Variants in SCTR observed in about 807,000 individuals in gnomAD.
The protein encoded by SCTR is pancreatic secretin receptor.
SCTR carries 56 observed loss-of-function variants against 60.8 expected under a neutral mutation model. The observed-to-expected ratio is 0.92, with a 90% confidence interval of 0.74 to 1.15. The LOEUF (loss-of-function observed/expected upper bound fraction) is 1.15, where lower values mean the gene tolerates loss of function less well. Among genes scored for constraint, SCTR ranks in the 50% most tolerant of loss-of-function variants. The pLI is 0.00. For synonymous variants in SCTR, 202 were observed against 217.0 expected (o/e 0.93, Z 0.61); for missense variants, 562 against 550.4 (o/e 1.02, Z -0.21).
rs144334656 is a variant in SCTR at position 119,446,725 on chromosome 2, T to A, written c.1140+34A>T. On this transcript the variant is annotated intron_variant, in intron 11 of 12. Coordinates refer to ENST00000019103, the MANE Select transcript of SCTR (RefSeq NM_002980.3). ...TCCCTAAGGACACAGAGAACTCCTC[T>A]TTTCAGCTGGCAGCCCCAGTCCTGG... 6,616 of 1,451,812 alleles carry A rather than the reference T, an allele frequency of 4.6e-3. 15 individuals are homozygous for A. Among genetic ancestry groups the A allele is most frequent in the Non-Finnish European group, 5.3e-3 (5,812 of 1,092,854 alleles). The allele number at this position is 1,451,812 out of a possible 1,614,324, so 89.9% of individuals were successfully genotyped here. A position where few individuals can be genotyped will look rare whatever the true frequency, so the allele number is the denominator to read the frequency against.
chr2:119,494,494 C>A lies in SCTR; in HGVS notation c.127G>T (p.Asp43Tyr), dbSNP rs1252143891. The A allele has an allele frequency of 1.2e-6, 2 of 1,613,966 alleles. No individual in the cohort carries two copies. The highest frequency in any genetic ancestry group is 1.7e-6 in the Non-Finnish European group (2 of 1,180,002). The change falls in exon 2 of 13, where the codon GAC (aspartate) becomes TAC (tyrosine). Residue 43 changes from aspartate (D) to tyrosine (Y), a missense_variant. By Grantham distance (160) the Asp-to-Tyr change is radical (BLOSUM62 -3). Coordinates refer to ENST00000019103, the MANE Select transcript of SCTR (RefSeq NM_002980.3). ...CTGGAGAGTTCCTGCAGGCACTGGT[C>A]TTGCTCTTCCCACAGCACTTGTAGC... ...DVLQVLWEEQ[D>Y]QCLQELSREQ... is the part of the protein sequence containing the mutation.
intron 2 of SCTR, chr2:119,484,620 G>GTGGAATCTTTC (rs1677780627): frequency 6.6e-6 from 1 of 151,580 alleles, no homozygotes; most frequent in African/African-American, 2.4e-5. Flanking sequence ...TGTGGGTGCG[G>GTGGAATCTTTC]TGGAATACTT....
chr2:119,446,750 G>A lies in SCTR; in HGVS notation c.1140+9C>T, dbSNP rs766835858. ...TTTTCAGCTGGCAGCCCCAGTCCTG[G>A]AAACTTACCTGGAATGAGCCAAGGG... On this transcript the variant is annotated intron_variant, in intron 11 of 12. Transcript: ENST00000019103. 2.3e-5 allele frequency: 34 copies of A among 1,510,636 alleles called. No individual in the cohort carries two copies. Among genetic ancestry groups the A allele is most frequent in the Non-Finnish European group, 2.8e-5 (32 of 1,124,306 alleles). 93.6% of individuals were successfully genotyped at this position (1,510,636 alleles called of 1,614,324 possible).
At chr2:119,487,398 A>T (rs991564731) in intron 2 of SCTR, 4 of 152,234 alleles carry the variant, frequency 2.6e-5, no homozygotes, top group Admixed American at 2.0e-4. Context: ...GCAGGTAGAG[A>T]CAAGAAGGAA....
rs771270566 is a variant in SCTR, at chr2:119,465,766, G to T, written c.503+23C>A. On this transcript the variant is annotated intron_variant, in intron 5 of 12. Transcript: ENST00000019103. ...TGTACCTGAGGAGGGCTGGGGTATG[G>T]AGAGCTGGCAGTGTGTTCTCACCGG... 91 of 1,531,062 alleles carry T rather than the reference G, an allele frequency of 5.9e-5. No homozygotes were observed. The East Asian group carries it at 1.5e-3, about 25-fold the overall frequency. 94.8% of individuals were successfully genotyped at this position (1,531,062 alleles called of 1,614,324 possible). A position where few individuals can be genotyped will look rare whatever the true frequency, so the allele number is the denominator to read the frequency against.
At chr2:119,451,627 C>T (rs564912441) in intron 9 of SCTR, among the ~76,000 whole-genome samples, 17 of 152,326 alleles carry the variant, frequency 1.1e-4, no homozygotes, top group Admixed American at 3.3e-4. Flanking sequence ...CTCAGCTTAG[C>T]GACTCATCCC....
intron 1 of SCTR, among the ~76,000 whole-genome samples, chr2:119,502,834 A>G (rs547186363): frequency 3.3e-5 from 5 of 151,536 alleles, no homozygotes; most frequent in South Asian, 2.1e-4. Context: ...AAAAAAAAAA[A>G]AAAGAAAGAA....
At position 119,467,231 on chromosome 2, in the gene SCTR, T is replaced by A. The variant is rs1372955846; in HGVS notation, c.406-1345A>T. ...CTGTCTCTACCAAAAATACAAAAAT[T>A]AGCCAGGCATGGTGGCGTGCACCTG... On this transcript the variant is annotated intron_variant, in intron 4 of 12. Coordinates refer to ENST00000019103, the MANE Select transcript of SCTR (RefSeq NM_002980.3). 4.6e-5 allele frequency among the ~76,000 whole-genome samples: 7 copies of A among 152,140 alleles called. No homozygotes were observed. The East Asian group carries it at 1.4e-3, about 29-fold the overall frequency.
chr2:119,522,679 G>GT, intron 1 of SCTR, among the ~76,000 whole-genome samples: 1 of 152,208 alleles, frequency 6.6e-6, no homozygotes, highest in East Asian at 1.9e-4. Flanking sequence ...CGAGGTACCA[G>GT]TTACGACAGT....
At chr2:119,479,327 T>A (rs915964289) in intron 2 of SCTR, 3 of 982,404 alleles carry the variant, frequency 3.1e-6, no homozygotes, top group Non-Finnish European at 3.6e-6. Context: ...CTGGGGAGCT[T>A]TAGAAATAGA....
chr2:119,445,274 T>C (rs1682882872), intron 11 of SCTR, among the ~76,000 whole-genome samples: 1 of 152,118 alleles, frequency 6.6e-6, no homozygotes, highest in Non-Finnish European at 1.5e-5. Context: ...GATGGGCCAT[T>C]GTGTGCCCAG....
chr2:119,480,610 C>T (rs1246265190), intron 2 of SCTR: 6 of 152,190 alleles, frequency 3.9e-5, no homozygotes, highest in Non-Finnish European at 7.3e-5. Flanking sequence ...ACAAGCTGTT[C>T]GGCAGGTATT....
chr2:119,503,987 G>A (rs1678646793), intron 1 of SCTR, among the ~76,000 whole-genome samples: 2 of 152,048 alleles, frequency 1.3e-5, no homozygotes, highest in Admixed American at 6.6e-5. Context: ...TAAGAAAAGT[G>A]GAAAGAATCG....
At chr2:119,489,861 G>A (rs1678046233) in intron 2 of SCTR, among the ~76,000 whole-genome samples, 2 of 152,160 alleles carry the variant, frequency 1.3e-5, no homozygotes. Flanking sequence ...GGAGAACAGT[G>A]GGACATTTTA....
chr2:119,506,465 T>G (rs1451487394), intron 1 of SCTR, among the ~76,000 whole-genome samples: 1 of 136,354 alleles, frequency 7.3e-6, no homozygotes, highest in Non-Finnish European at 1.6e-5. Context: ...TTATTTTATT[T>G]TATAATATTT....
In SCTR at chr2:119,518,157, C is replaced by T. The variant is rs13416875; in HGVS notation, c.72+5998G>A. Among the ~76,000 whole-genome samples, 338 of 152,110 alleles carry T rather than the reference C, an allele frequency of 2.2e-3. 2 individuals are homozygous for T. The highest frequency in any genetic ancestry group is 6.6e-3 in the African/African-American group (276 of 41,504). ...CTCACACTTCCAACCTCCAGAACCG[C>T]GAGATTAATTTCTTTTGTTTAAGTC... On this transcript the variant is annotated intron_variant, in intron 1 of 12. Coordinates refer to ENST00000019103, the MANE Select transcript of SCTR (RefSeq NM_002980.3).
chr2:119,451,726 A>C (rs913529591), intron 9 of SCTR, among the ~76,000 whole-genome samples: 3 of 152,244 alleles, frequency 2.0e-5, no homozygotes, highest in Admixed American at 2.0e-4. Context: ...GGAGCCAGCC[A>C]GTTTAGAACA....
chr2:119,473,384 T>C, intron 4 of SCTR, 69 bp downstream of exon 4: 2 of 1,113,790 alleles, frequency 1.8e-6, no homozygotes, highest in Non-Finnish European at 2.7e-6. Flanking sequence ...CAGGGCCTCC[T>C]CTCCCAGGGC....
In SCTR at chr2:119,494,449, C is replaced by T; in HGVS notation, c.172G>A (p.Gly58Ser). The T allele has an allele frequency of 6.2e-7, 1 of 1,613,946 alleles. No homozygotes were observed. The highest frequency in any genetic ancestry group is 1.1e-5 in the South Asian group (1 of 91,044). ...ELSREQTGDLGTEQPVPGCEG... is the reference protein window; with the variant it reads ...ELSREQTGDLSTEQPVPGCEG... ...ATACCTGGCACTGGCTGCTCCGTGC[C>T]CAGGTCTCCTGTCTGCTCTCTGGAG... The change falls in exon 2 of 13, where the codon GGC becomes AGC. Residue 58 changes from glycine to serine, a missense_variant. Gly to Ser is a moderately conservative substitution (Grantham distance 56). Coordinates refer to ENST00000019103, the MANE Select transcript of SCTR (RefSeq NM_002980.3).
Sources: gnomAD v4.1 joint callset for allele counts (sites outside exome capture counted in the v4.1 genomes callset) on GRCh38, gnomAD v4.1.1 for gene constraint, MANE v1.5 for transcripts, NCBI Gene and HGNC (gene_info 2026-07-23, HGNC 2026-07-21) for gene names.